The following ERBB4 variants were observed in gnomAD, a reference collection of about 807,000 sequenced individuals.
ERBB4 encodes the protein receptor tyrosine-protein kinase erbB-4.
ERBB4 carries 42 observed loss-of-function variants against 158.0 expected under a neutral mutation model. The ratio of observed to expected loss-of-function variants is 0.27; its 90% CI spans 0.21 to 0.34. The LOEUF (loss-of-function observed/expected upper bound fraction) is 0.34, where lower values mean the gene tolerates loss of function less well. Ranked by LOEUF, ERBB4 falls within the 10% of genes least tolerant of loss-of-function variation. The pLI is 1.00. For synonymous variants in ERBB4, 583 were observed against 558.7 expected (o/e 1.04, Z -0.61); for missense variants, 1,333 against 1,624.1 (o/e 0.82, Z 3.08).
At position 212,220,880 on chromosome 2, in the gene ERBB4, A is replaced by G. The variant is rs1574461959; in HGVS notation, c.83-95977T>C. Among the ~76,000 whole-genome samples, 3 of 151,494 alleles carry G rather than the reference A, an allele frequency of 2.0e-5. No individual in the cohort carries two copies. The South Asian group carries it at 6.2e-4, about 31-fold the overall frequency. On this transcript the variant is annotated intron_variant, in intron 1 of 27. Transcript: ENST00000342788. The stretch of plus-strand genomic sequence containing the variant: ...ATCTTACTTCTCCATTATGATCTCC[A>G]TCAGCACAATGATCATATTTATTTT...
chr2:212,435,810 G>A (rs943869682), intron 1 of ERBB4, among the ~76,000 whole-genome samples: 18 of 151,394 alleles, frequency 1.2e-4, no homozygotes, highest in Admixed American at 1.2e-3. Context: ...TTGATCCCAG[G>A]GTTCTCTGAC....
At chr2:211,504,989 G>T (rs2065709797) in intron 20 of ERBB4, among the ~76,000 whole-genome samples, 1 of 152,054 alleles carries the variant, frequency 6.6e-6, no homozygotes, top group African/African-American at 2.4e-5. Context: ...ACATTCTTGA[G>T]GGAGAAGATG....
chr2:212,285,178 G>A (rs1055144510), intron 1 of ERBB4, among the ~76,000 whole-genome samples: 3 of 152,030 alleles, frequency 2.0e-5, no homozygotes, highest in East Asian at 1.9e-4. Flanking sequence ...ATAGACTTTC[G>A]CCAAAACAGA....
intron 20 of ERBB4, among the ~76,000 whole-genome samples, chr2:211,488,972 A>G (rs565823731): frequency 1.3e-5 from 2 of 152,218 alleles, no homozygotes; most frequent in African/African-American, 4.8e-5. Flanking sequence ...CTCTCTAATC[A>G]GATTGCATTA....
At chr2:211,783,295 A>G (rs2076079462) in intron 4 of ERBB4, among the ~76,000 whole-genome samples, 2 of 152,232 alleles carry the variant, frequency 1.3e-5, no homozygotes, top group African/African-American at 4.8e-5. Flanking sequence ...TTCTAAATAT[A>G]TAATCATGTC....
intron 1 of ERBB4, among the ~76,000 whole-genome samples, chr2:212,333,828 T>G (rs2088301117): frequency 6.6e-6 from 1 of 152,020 alleles, no homozygotes; most frequent in Non-Finnish European, 1.5e-5. Context: ...ACTACTGATC[T>G]TGGGTTCACA....
chr2:212,508,850 T>C (rs1295433965), intron 1 of ERBB4, among the ~76,000 whole-genome samples: 2 of 152,138 alleles, frequency 1.3e-5, no homozygotes, highest in Non-Finnish European at 2.9e-5. Context: ...ATTTTTCCAC[T>C]ATTGCTTTTA....
intron 24 of ERBB4, among the ~76,000 whole-genome samples, chr2:211,421,396 T>A (rs3791708): frequency 0.29 from 44,050 of 151,620 alleles, 6,814 homozygotes; most frequent in South Asian, 0.55. Flanking sequence ...TTAGGTGAAA[T>A]TAATCCTAGA....
At chr2:212,043,066 C>T (rs979189915) in intron 2 of ERBB4, among the ~76,000 whole-genome samples, 2 of 152,090 alleles carry the variant, frequency 1.3e-5, no homozygotes, top group African/African-American at 2.4e-5. Flanking sequence ...TGAGAAGAGC[C>T]AGATGGGCCC....
intron 16 of ERBB4, among the ~76,000 whole-genome samples, chr2:211,646,073 G>A (rs1318081309): frequency 6.6e-6 from 1 of 151,522 alleles, no homozygotes; most frequent in Non-Finnish European, 1.5e-5. Context: ...TGATCTGGAA[G>A]GCTGTCCATA....
chr2:212,018,680 G>A (rs141060625), intron 2 of ERBB4, among the ~76,000 whole-genome samples: 1 of 152,228 alleles, frequency 6.6e-6, no homozygotes, highest in East Asian at 1.9e-4. Flanking sequence ...CATTAGACAA[G>A]ACTAAAGACA....
At chr2:211,471,113 C>T (rs545262450) in intron 20 of ERBB4, among the ~76,000 whole-genome samples, 2 of 152,082 alleles carry the variant, frequency 1.3e-5, no homozygotes, top group South Asian at 2.1e-4. Context: ...CTTAAGGAGG[C>T]CCGGGAGGAT....
At chr2:211,935,815 C>T (rs1053898973) in intron 3 of ERBB4, among the ~76,000 whole-genome samples, 13 of 152,280 alleles carry the variant, frequency 8.5e-5, no homozygotes, top group African/African-American at 3.1e-4. Flanking sequence ...AATACACCTA[C>T]TAATCGTGGT....
intron 5 of ERBB4, among the ~76,000 whole-genome samples, chr2:211,744,043 C>G (rs1246836649): frequency 2.0e-5 from 3 of 152,068 alleles, no homozygotes; most frequent in African/African-American, 7.2e-5. Context: ...TTTACAAGCA[C>G]AATCTACTTA....
intron 1 of ERBB4, among the ~76,000 whole-genome samples, chr2:212,143,326 CTAT>C (rs2080548248): frequency 1.3e-5 from 2 of 151,934 alleles, no homozygotes; most frequent in Non-Finnish European, 2.9e-5. Context: ...ATTGTTATAG[CTAT>C]TATTATGGTT....
At chr2:211,632,512 CTTAT>C (rs889872071) in intron 16 of ERBB4, among the ~76,000 whole-genome samples, 7 of 151,952 alleles carry the variant, frequency 4.6e-5, no homozygotes, top group African/African-American at 1.4e-4. Context: ...ACTTTCTCTG[CTTAT>C]TTATTTTGCA....
chr2:211,670,433 A>G (rs115174601), intron 14 of ERBB4, among the ~76,000 whole-genome samples: 1,674 of 152,320 alleles, frequency 0.011, 39 homozygotes, highest in African/African-American at 0.038. Context: ...CTAAAAATGT[A>G]TATTTTTATA....
intron 25 of ERBB4, among the ~76,000 whole-genome samples, chr2:211,409,155 T>TTA (rs2063204949): frequency 2.6e-5 from 4 of 152,132 alleles, no homozygotes; most frequent in South Asian, 2.1e-4. Context: ...TTGAAGATTA[T>TTA]TATATATATA....
At chr2:212,522,099 G>A (rs1052060873) in intron 1 of ERBB4, among the ~76,000 whole-genome samples, 1 of 151,776 alleles carries the variant, frequency 6.6e-6, no homozygotes, top group East Asian at 1.9e-4. Flanking sequence ...TTCATTTATC[G>A]CCATATATAA....
Sources: gnomAD v4.1 joint callset for allele counts (sites outside exome capture counted in the v4.1 genomes callset) on GRCh38, gnomAD v4.1.1 for gene constraint, MANE v1.5 for transcripts, NCBI Gene and HGNC (gene_info 2026-07-23, HGNC 2026-07-21) for gene names.